PEAK1: variants seen among roughly 807,000 people sequenced by gnomAD.
PEAK1 encodes the protein inactive tyrosine-protein kinase PEAK1.
Under a neutral mutation model 124.7 loss-of-function variants are expected in PEAK1, and 54 were observed. The ratio of observed to expected loss-of-function variants is 0.43; its 90% CI spans 0.35 to 0.54. The LOEUF (loss-of-function observed/expected upper bound fraction) is 0.54. PEAK1 is among the 20% of genes least tolerant of loss of function. The pLI is 0.01. For missense variants in PEAK1, 2,046 were observed against 2,134.5 expected, an observed-to-expected ratio of 0.96 and a Z score of 0.82; for synonymous variants, 719 against 760.0, an observed-to-expected ratio of 0.95 and a Z score of 0.89.
intron 5 of PEAK1, among the ~76,000 whole-genome samples, chr15:77,264,996 C>A (rs1200815616): frequency 2.0e-5 from 3 of 152,134 alleles, no homozygotes; most frequent in Non-Finnish European, 4.4e-5. Flanking sequence ...GAAAAACAAG[C>A]AATGGGGAAA....
chr15:77,213,407 G>A (rs149745835), intron 6 of PEAK1, among the ~76,000 whole-genome samples: 21 of 152,210 alleles, frequency 1.4e-4, no homozygotes, highest in Admixed American at 1.3e-3. Context: ...GAAAACAGAT[G>A]GCAGCCGGAC....
intron 2 of PEAK1, chr15:77,352,231 C>T: frequency 1.0e-6 from 1 of 985,400 alleles, no homozygotes; most frequent in Non-Finnish European, 1.2e-6. Flanking sequence ...AAAATCACTA[C>T]TATCCTTAGA....
intron 2 of PEAK1, chr15:77,352,101 T>A (rs1346935242): frequency 1.2e-6 from 1 of 837,752 alleles, no homozygotes; most frequent in Non-Finnish European, 1.4e-6. Flanking sequence ...ATGCCTGTGG[T>A]TCCAGCTACT....
chr15:77,179,554 G>A lies in PEAK1; in HGVS notation c.2373C>T (p.Cys791=), dbSNP rs1243138675. The A allele has an allele frequency of 3.1e-6, 5 of 1,614,108 alleles. No homozygotes were observed. The highest frequency in any genetic ancestry group is 1.3e-5 in the African/African-American group (1 of 75,018). Reference sequence around the variant, plus strand: ...GAATGGCATAAAGCTCTTCCACACTGCAAGCTTTAGGGCCAGATTGAGGTG... The same window carrying A: ...GAATGGCATAAAGCTCTTCCACACTACAAGCTTTAGGGCCAGATTGAGGTG... ...PETPQSGPKA[C]SVEELYAIPP... Residue 791 remains cysteine (C), a synonymous_variant, in exon 7 of 10, where the codon TGC becomes TGT. Transcript: ENST00000682557.
intron 5 of PEAK1, among the ~76,000 whole-genome samples, chr15:77,261,166 T>C (rs2061419043): frequency 6.6e-6 from 1 of 151,836 alleles, no homozygotes; most frequent in Non-Finnish European, 1.5e-5. Context: ...ACCACAAAGA[T>C]GGGGAAAAAA....
At chr15:77,304,608 C>T (rs1364735372) in intron 2 of PEAK1, among the ~76,000 whole-genome samples, 5 of 151,876 alleles carry the variant, frequency 3.3e-5, no homozygotes, top group Non-Finnish European at 7.4e-5. Flanking sequence ...CCACCACGTC[C>T]GGCCAATTTT....
chr15:77,140,706 T>C (rs1224422941), intron 8 of PEAK1, among the ~76,000 whole-genome samples: 2 of 151,968 alleles, frequency 1.3e-5, no homozygotes, highest in South Asian at 4.2e-4. Flanking sequence ...TTTGCGTTCT[T>C]GCCATTTCTT....
At chr15:77,171,863 T>C (rs1218674883) in intron 7 of PEAK1, among the ~76,000 whole-genome samples, 2 of 152,138 alleles carry the variant, frequency 1.3e-5, no homozygotes, top group African/African-American at 2.4e-5. Context: ...ACCCAGTAAA[T>C]AGTACCTAAA....
intron 1 of PEAK1, chr15:77,417,194 T>A (rs1307900553): frequency 8.2e-6 from 2 of 244,352 alleles, no homozygotes; most frequent in African/African-American, 4.6e-5. Context: ...GGTTATCACC[T>A]ATCTTCTCCT....
rs2061077645 is a variant in PEAK1, at chr15:77,255,344, G to A, written c.-274-2818C>T. 9 of 974,494 alleles carry A rather than the reference G, an allele frequency of 9.2e-6. No individual in the cohort carries two copies. The South Asian group carries it at 2.4e-4, about 26-fold the overall frequency. 60.4% of individuals were successfully genotyped at this position (974,494 alleles called of 1,614,324 possible). A position where few individuals can be genotyped will look rare whatever the true frequency, so the allele number is the denominator to read the frequency against. On this transcript the variant is annotated intron_variant, in intron 5 of 9. Transcript: ENST00000682557. ...ACAATGGAAATTCTGTTTGGGTTCT[G>A]ACTCTCCATTTATTCCAAGCTTCTG...
intron 5 of PEAK1, among the ~76,000 whole-genome samples, chr15:77,274,911 A>G (rs1234148185): frequency 6.6e-6 from 1 of 152,240 alleles, no homozygotes; most frequent in Admixed American, 6.5e-5. Context: ...ATATGGAACC[A>G]GCCCAAATAT....
intron 8 of PEAK1, among the ~76,000 whole-genome samples, chr15:77,141,020 G>T (rs1418778788): frequency 6.6e-6 from 1 of 151,984 alleles, no homozygotes; most frequent in Non-Finnish European, 1.5e-5. Context: ...ATTCTACGTT[G>T]TACAGGAGGT....
chr15:77,247,399 T>A (rs1014488097), intron 6 of PEAK1, among the ~76,000 whole-genome samples: 3 of 151,976 alleles, frequency 2.0e-5, no homozygotes, highest in Non-Finnish European at 4.4e-5. Context: ...TTATTTATTA[T>A]GAATTAATGC....
chr15:77,355,762 A>G, intron 2 of PEAK1: 2 of 985,300 alleles, frequency 2.0e-6, no homozygotes, highest in Non-Finnish European at 2.4e-6. Flanking sequence ...AATCAGGTCT[A>G]AGAAGGCTGA....
intron 8 of PEAK1, among the ~76,000 whole-genome samples, chr15:77,143,330 C>T (rs1160643488): frequency 6.6e-6 from 1 of 152,140 alleles, no homozygotes; most frequent in Non-Finnish European, 1.5e-5. Context: ...ATCATCCTTG[C>T]CTGACAACTG....
intron 6 of PEAK1, among the ~76,000 whole-genome samples, chr15:77,213,372 T>G (rs1002958876): frequency 6.6e-6 from 1 of 152,052 alleles, no homozygotes; most frequent in Non-Finnish European, 1.5e-5. Flanking sequence ...TCTACATGGC[T>G]TCCAGTAGAA....
At chr15:77,352,233 A>G in intron 2 of PEAK1, 1 of 985,266 alleles carries the variant, frequency 1.0e-6, no homozygotes, top group Non-Finnish European at 1.2e-6. Context: ...AATCACTACT[A>G]TCCTTAGATC....
chr15:77,360,202 T>C (rs1056940501), intron 2 of PEAK1, among the ~76,000 whole-genome samples: 10 of 152,238 alleles, frequency 6.6e-5, no homozygotes, highest in Non-Finnish European at 1.0e-4. Flanking sequence ...ATGAATGAAG[T>C]TGAACCCCTA....
intron 2 of PEAK1, chr15:77,333,238 G>A: frequency 1.1e-6 from 1 of 915,576 alleles, no homozygotes; most frequent in Non-Finnish European, 1.3e-6. Context: ...TCCTTTCTCA[G>A]CCTCCTAAAG....
Sources: allele counts gnomAD v4.1 joint callset (sites outside exome capture counted in the v4.1 genomes callset), GRCh38; gene constraint gnomAD v4.1.1; transcripts MANE v1.5; gene names NCBI Gene and HGNC (gene_info 2026-07-23, HGNC 2026-07-21).